UGT2B7: variants seen among roughly 807,000 people sequenced by gnomAD.
UGT2B7 encodes the protein UDP-glucuronosyltransferase 2B7.
In UGT2B7, 51 loss-of-function variants were observed where a neutral mutation model predicts 51.9. The observed-to-expected ratio is 0.98, with a 90% CI of 0.78 to 1.24. The LOEUF is 1.24. UGT2B7 is among the 50% of genes most tolerant of loss of function. The pLI, the probability that UGT2B7 is intolerant of heterozygous loss-of-function variation, is 0.00. For synonymous variants in UGT2B7, 225 were observed against 211.6 expected, an observed-to-expected ratio of 1.06 and a Z score of -0.55; for missense variants, 727 against 628.4, an observed-to-expected ratio of 1.16 and a Z score of -1.68.
chr4:69,090,387 A>G (rs367988730), intron 2 of UGT2B7, among the ~76,000 whole-genome samples: 2 of 152,286 alleles, frequency 1.3e-5, no homozygotes, highest in South Asian at 4.1e-4. Flanking sequence ...CCCATAAAAA[A>G]CAAATTATGT....
At chr4:69,091,398 G>A (rs944315939) in intron 2 of UGT2B7, among the ~76,000 whole-genome samples, 4 of 146,320 alleles carry the variant, frequency 2.7e-5, no homozygotes, top group Non-Finnish European at 6.1e-5. Context: ...TAAAGATTTT[G>A]TTTTTTTTTT....
Position 69,096,875 on chromosome 4 carries a change from T to C in UGT2B7, c.355T>C (p.Phe119Leu). The change falls in exon 1 of 6, where the codon TTT becomes CTT. Residue 119 changes from phenylalanine (F) to leucine (L), a missense_variant. Physicochemically the swap from Phe to Leu is conservative, Grantham distance 22. Transcript: ENST00000305231. ...FSQVQEIMSI[F>L]GDITRKFCKD... is the part of the protein sequence containing the mutation. ...ACAAGTACAGGAAATCATGTCAATA[T>C]TTGGTGACATAACTAGAAAGTTCTG... 1 of 1,613,296 alleles carries C rather than the reference T, an allele frequency of 6.2e-7. No individual in the cohort carries two copies. Among genetic ancestry groups the C allele is most frequent in the Non-Finnish European group, 8.5e-7 (1 of 1,179,770 alleles).
chr4:69,085,425 T>A (rs1211769431), intron 1 of UGT2B7, among the ~76,000 whole-genome samples: 2 of 152,152 alleles, frequency 1.3e-5, no homozygotes, highest in Non-Finnish European at 2.9e-5. Flanking sequence ...TCCTGTTCAG[T>A]CTGATGATAG....
At chr4:69,095,865 C>T (rs956465960), upstream of UGT2B7, among the ~76,000 whole-genome samples, 2 of 151,978 alleles carry the variant, frequency 1.3e-5, no homozygotes, top group Non-Finnish European at 2.9e-5. Context: ...TTGTATGATT[C>T]TATGCATTAA....
At chr4:69,085,596 G>C (rs938507064) in intron 1 of UGT2B7, among the ~76,000 whole-genome samples, 2 of 151,984 alleles carry the variant, frequency 1.3e-5, no homozygotes, top group African/African-American at 4.8e-5. Flanking sequence ...TATGGTTTTA[G>C]GTTTCACATA....
chr4:69,110,990 T>G (rs1051636176), intron 5 of UGT2B7, among the ~76,000 whole-genome samples: 1 of 152,102 alleles, frequency 6.6e-6, no homozygotes, highest in African/African-American at 2.4e-5. Context: ...ATCCTAGTGG[T>G]TCCATCATAA....
intron 4 of UGT2B7, among the ~76,000 whole-genome samples, chr4:69,107,830 G>T (rs947718710): frequency 6.6e-6 from 1 of 151,710 alleles, no homozygotes; most frequent in Non-Finnish European, 1.5e-5. Context: ...TCTCTTTGCT[G>T]TCTTCTTTTT....
intron 1 of UGT2B7, among the ~76,000 whole-genome samples, chr4:69,085,623 C>G (rs868341566): frequency 1.3e-5 from 2 of 152,098 alleles, no homozygotes; most frequent in Non-Finnish European, 2.9e-5. Context: ...TTTAATCCAT[C>G]TTGAGTTAGT....
At chr4:69,089,742 G>A (rs1719043569) in intron 2 of UGT2B7, 1 of 152,176 alleles carries the variant, frequency 6.6e-6, no homozygotes, top group South Asian at 2.1e-4. Context: ...AAGCATTATA[G>A]TAGTGTATGT....
At chr4:69,062,512 T>C (rs1390866999) in intron 1 of UGT2B7, among the ~76,000 whole-genome samples, 1 of 152,150 alleles carries the variant, frequency 6.6e-6, no homozygotes, top group Non-Finnish European at 1.5e-5. Context: ...ACGGGCCCCA[T>C]ATTGTGATCT....
chr4:69,064,188 C>T (rs1023441776), intron 1 of UGT2B7, among the ~76,000 whole-genome samples: 7 of 152,154 alleles, frequency 4.6e-5, no homozygotes, highest in Non-Finnish European at 8.8e-5. Context: ...GCTAACTTGT[C>T]CCAGACGCAG....
intron 2 of UGT2B7, among the ~76,000 whole-genome samples, chr4:69,101,486 A>C (rs1462989621): frequency 6.6e-6 from 1 of 152,102 alleles, no homozygotes; most frequent in East Asian, 1.9e-4. Context: ...TGGGTGGATA[A>C]ATAAGGCTCT....
intron 1 of UGT2B7, among the ~76,000 whole-genome samples, chr4:69,062,410 T>C (rs1718367809): frequency 6.6e-6 from 1 of 152,202 alleles, no homozygotes; most frequent in African/African-American, 2.4e-5. Context: ...AAAGAATGCC[T>C]ATAAGTCTGG....
intron 1 of UGT2B7, among the ~76,000 whole-genome samples, chr4:69,078,716 G>T (rs1718770964): frequency 6.6e-6 from 1 of 152,092 alleles, no homozygotes; most frequent in African/African-American, 2.4e-5. Flanking sequence ...TGCTGTTTTT[G>T]TGCTTCCTGA....
chr4:69,098,416 T>C (rs777071686), intron 1 of UGT2B7, 124 bp from the exon 2 acceptor site: 12 of 1,058,962 alleles, frequency 1.1e-5, no homozygotes, highest in Non-Finnish European at 1.6e-5. Context: ...TGAATATGTG[T>C]ATATATTTTT....
intron 2 of UGT2B7, among the ~76,000 whole-genome samples, chr4:69,098,970 C>A (rs1176371589): frequency 6.6e-6 from 1 of 151,750 alleles, no homozygotes; most frequent in African/African-American, 2.4e-5. Flanking sequence ...ATTGGTCATC[C>A]AATCAAATAA....
intron 3 of UGT2B7, among the ~76,000 whole-genome samples, chr4:69,105,869 C>T (rs982545136): frequency 2.0e-5 from 3 of 152,168 alleles, no homozygotes; most frequent in African/African-American, 7.2e-5. Flanking sequence ...TCTAATATAA[C>T]AACCTACACA....
chr4:69,080,151 C>G (rs903869089), intron 1 of UGT2B7, among the ~76,000 whole-genome samples: 14 of 152,038 alleles, frequency 9.2e-5, no homozygotes, highest in African/African-American at 3.4e-4. Context: ...AAATAAATGA[C>G]CCTGAGTCTC....
rs150643646 is a variant in UGT2B7, at chr4:69,056,551, C to T, written c.-159+4949C>T. 5.2e-3 allele frequency among the ~76,000 whole-genome samples: 794 copies of T among 152,194 alleles called. 11 individuals carry two copies. Among genetic ancestry groups the T allele is most frequent in the African/African-American group, 0.018 (765 of 41,510 alleles). On this transcript the variant is annotated intron_variant, in intron 1 of 5. Transcript: ENST00000502942. ...GACATAACAAAACTGGCACATGTAC[C>T]CATGCAAGTGTGGCACGGACACAAT...
Sources: allele counts gnomAD v4.1 joint callset (sites outside exome capture counted in the v4.1 genomes callset), GRCh38; gene constraint gnomAD v4.1.1; transcripts MANE v1.5; gene names NCBI Gene and HGNC (gene_info 2026-07-23, HGNC 2026-07-21).